Variants in SDSL observed in about 807,000 individuals in gnomAD.
The protein encoded by SDSL is serine dehydratase like.
A neutral mutation model predicts 27.6 loss-of-function variants in SDSL; 26 were observed. That is an observed-to-expected ratio of 0.94 (90% CI 0.69 to 1.31). The LOEUF (loss-of-function observed/expected upper bound fraction) is 1.31. Ranked by LOEUF, SDSL falls within the 50% of genes most tolerant of loss-of-function variation. The pLI is 0.00. For synonymous variants in SDSL, 196 were observed against 180.6 expected, an observed-to-expected ratio of 1.09 and a Z score of -0.69; for missense variants, 431 against 423.5, an observed-to-expected ratio of 1.02 and a Z score of -0.16.
At chr12:113,425,567 T>C in intron 1 of SDSL, 1 of 430,642 alleles carries the variant, frequency 2.3e-6, no homozygotes, top group Non-Finnish European at 4.6e-6. Flanking sequence ...AGTGCTTTTC[T>C]GCCTGGGACA....
Position 113,437,992 on chromosome 12 carries a change from G to T in SDSL, c.903G>T (p.Leu301=). The T allele has an allele frequency of 6.2e-7, 1 of 1,614,162 alleles. No individual in the cohort carries two copies. The highest frequency in any genetic ancestry group is 1.1e-5 in the South Asian group (1 of 91,066). ...CCGAGGGCTGCCTGCCCCCTTCCCT[G>T]ACTTCAGTTGTGGTAATCGTGTGTG... ...LQAEGCLPPS[L]TSVVVIVCGG... Residue 301 remains leucine, a synonymous_variant, in exon 8 of 8, where the codon CTG becomes CTT. Coordinates refer to ENST00000403593, the MANE Select transcript of SDSL (RefSeq NM_001304993.2).
rs537791534 is a variant in SDSL, at chr12:113,429,098, G to A, written c.215-62G>A. On this transcript the variant is annotated intron_variant, in intron 3 of 7. Transcript: ENST00000403593. ...GACTCTGAAGGGATATGGAGGGGGA[G>A]GGGAAGGCATATCAAAGGCCAATCA... 2.4e-5 allele frequency: 37 copies of A among 1,563,838 alleles called. 1 individual carries two copies. The South Asian group carries it at 2.7e-4, about 11-fold the overall frequency.
At chr12:113,436,143 C>T (rs745907413) in intron 6 of SDSL, among the ~76,000 whole-genome samples, 2 of 152,094 alleles carry the variant, frequency 1.3e-5, no homozygotes, top group Non-Finnish European at 2.9e-5. Context: ...CCCCAAACCC[C>T]CCAAAAGCCA....
chr12:113,431,514 G>C (rs1957920911), intron 4 of SDSL, among the ~76,000 whole-genome samples: 1 of 151,964 alleles, frequency 6.6e-6, no homozygotes, highest in South Asian at 2.1e-4. Flanking sequence ...TTTCATGATG[G>C]AGAGGTTTGG....
rs1248338458 is a variant in SDSL at position 113,435,513 on chromosome 12, G to T, written c.628G>T (p.Ala210Ser). The T allele has an allele frequency of 6.2e-7, 1 of 1,613,888 alleles. No homozygotes were observed. The highest frequency in any genetic ancestry group is 8.5e-7 in the Non-Finnish European group (1 of 1,179,954). ...CCATGGGGCACACTGCTTCAATGCG[G>T]CCATCACAGCCGGCAAGCTGGTCAC... is the stretch of plus-strand genomic sequence containing the variant. Reference protein sequence around the residue: ...ETHGAHCFNAAITAGKLVTLP... With the variant: ...ETHGAHCFNASITAGKLVTLP... Residue 210 changes from alanine (A) to serine (S), a missense_variant, in exon 6 of 8, where the codon GCC becomes TCC. Transcript: ENST00000403593.
At chr12:113,435,158 C>G (rs1458312595) in intron 5 of SDSL, among the ~76,000 whole-genome samples, 171 bp from the exon 6 acceptor site, 1 of 152,100 alleles carries the variant, frequency 6.6e-6, no homozygotes, top group African/African-American at 2.4e-5. Context: ...AGTGAAGTAA[C>G]TGTTGCAGGA....
In SDSL at chr12:113,436,784, C is replaced by T. The variant is rs376935932; in HGVS notation, c.705C>T (p.Ala235=). The change falls in exon 7 of 8, where the codon GCC becomes GCT. Residue 235 remains alanine (A), a synonymous_variant. Coordinates refer to ENST00000403593, the MANE Select transcript of SDSL (RefSeq NM_001304993.2). Reference sequence around the variant, plus strand: ...AGAGCCTGGGTGCCAAGACGGTGGCCGCTCGGGCCCTGGAGTGCATGCAGG... The same window carrying T: ...AGAGCCTGGGTGCCAAGACGGTGGCTGCTCGGGCCCTGGAGTGCATGCAGG... ...VAKSLGAKTV[A]ARALECMQVC... is the part of the protein sequence containing the mutation. The T allele has an allele frequency of 3.9e-5, 63 of 1,610,706 alleles. No homozygotes were observed. The highest frequency in any genetic ancestry group is 2.0e-4 in the South Asian group (18 of 90,788).
At position 113,428,443 on chromosome 12, in the gene SDSL, C is replaced by A. The variant is rs750722804; in HGVS notation, c.198C>A (p.His66Gln). 6.2e-7 allele frequency: 1 copy of A among 1,612,522 alleles called. No individual in the cohort carries two copies. The highest frequency in any genetic ancestry group is 2.2e-5 in the East Asian group (1 of 44,864). ...AGATGGCCAAGAAGGGATGCAGACA[C>A]CTGGTGTGCTCCTCAGGTGACCCCA... is the stretch of plus-strand genomic sequence containing the variant. ...CQEMAKKGCR[H>Q]LVCSSGGNAG... The change falls in exon 3 of 8, where the codon CAC becomes CAA. Residue 66 changes from histidine to glutamine, a missense_variant. By Grantham distance (24) the His-to-Gln change is conservative. Transcript: ENST00000403593.
At chr12:113,432,270 TTCTTTCTTTC>T (rs1555210079) in intron 4 of SDSL, among the ~76,000 whole-genome samples, 7 of 116,266 alleles carry the variant, frequency 6.0e-5, no homozygotes, top group Non-Finnish European at 9.5e-5. Flanking sequence ...CTTTCTTTCT[TTCTTTCTTTC>T]TTTCTTTCTT....
intron 7 of SDSL, chr12:113,437,088 T>C (rs1339419720): frequency 1.9e-5 from 7 of 364,766 alleles, no homozygotes; most frequent in Non-Finnish European, 3.4e-5. Context: ...CTTTCATACA[T>C]GCTGCTCCTC....
In SDSL at chr12:113,432,270, T is replaced by TC. The variant is rs1565879188; in HGVS notation, c.355-1864_355-1863insC. Among the ~76,000 whole-genome samples, 94 of 116,334 alleles carry TC rather than the reference T, an allele frequency of 8.1e-4. 2 individuals carry two copies. The highest frequency in any genetic ancestry group is 2.8e-3 in the African/African-American group (87 of 31,288). The allele number at this position is 116,334 out of a possible 152,430, so 76.3% of individuals were successfully genotyped here. A position where few individuals can be genotyped will look rare whatever the true frequency, so the allele number is the denominator to read the frequency against. ...TTTCTTTCTTTCTTTCTTTCTTTCT[T>TC]TCTTTCTTTCTTTCTTTCTTTCTCT... On this transcript the variant is annotated intron_variant, in intron 4 of 7. Coordinates refer to ENST00000403593, the MANE Select transcript of SDSL (RefSeq NM_001304993.2).
At chr12:113,434,953 A>G in intron 5 of SDSL, among the ~76,000 whole-genome samples, 1 of 152,114 alleles carries the variant, frequency 6.6e-6, no homozygotes, top group East Asian at 1.9e-4. Flanking sequence ...TATCTCTACT[A>G]AAAATACAAA....
At chr12:113,426,432 T>C (rs1190624702) in intron 1 of SDSL, 9 of 290,842 alleles carry the variant, frequency 3.1e-5, no homozygotes, top group Admixed American at 4.5e-5. Context: ...TTTAATGGGA[T>C]GATTTGAAAT....
At chr12:113,425,824 C>T in intron 1 of SDSL, 1 of 414,886 alleles carries the variant, frequency 2.4e-6, no homozygotes, top group South Asian at 1.7e-5. Context: ...CCCGTCTCTA[C>T]AAAAAATACA....
intron 7 of SDSL, 46 bp downstream of exon 7, chr12:113,436,921 C>T (rs1462866929): frequency 6.7e-6 from 10 of 1,494,438 alleles, no homozygotes; most frequent in Non-Finnish European, 8.9e-6. Flanking sequence ...CCCACGAAGT[C>T]CCTGCATCCT....
At chr12:113,431,725 C>G (rs1263114726) in intron 4 of SDSL, among the ~76,000 whole-genome samples, 4 of 150,362 alleles carry the variant, frequency 2.7e-5, no homozygotes, top group East Asian at 2.0e-4. Context: ...AGGCACCCAC[C>G]ACCACACCCA....
intron 1 of SDSL, among the ~76,000 whole-genome samples, chr12:113,425,506 A>T (rs1056831909): frequency 1.3e-5 from 2 of 152,154 alleles, no homozygotes; most frequent in African/African-American, 2.4e-5. Context: ...GGGCAGGGGA[A>T]GTTGCAGCGC....
At chr12:113,436,229 A>G (rs1957990843) in intron 6 of SDSL, among the ~76,000 whole-genome samples, 1 of 151,994 alleles carries the variant, frequency 6.6e-6, no homozygotes, top group Admixed American at 6.6e-5. Context: ...TAATTTAACT[A>G]ATTACATCTG....
At chr12:113,429,114 A>C in intron 3 of SDSL, 46 bp from the exon 4 acceptor site, 1 of 1,580,440 alleles carries the variant, frequency 6.3e-7, no homozygotes, top group Non-Finnish European at 8.6e-7. Context: ...GGCATATCAA[A>C]GGCCAATCAG....
Sources: gnomAD v4.1 joint callset for allele counts (sites outside exome capture counted in the v4.1 genomes callset) on GRCh38, gnomAD v4.1.1 for gene constraint, MANE v1.5 for transcripts, NCBI Gene and HGNC (gene_info 2026-07-23, HGNC 2026-07-21) for gene names.